DHX9: variants seen among roughly 807,000 people sequenced by gnomAD.
The protein encoded by DHX9 is ATP-dependent RNA helicase A.
In DHX9, 27 loss-of-function variants were observed where a neutral mutation model predicts 148.7. The observed-to-expected ratio is 0.18, with a 90% CI of 0.13 to 0.25. The LOEUF is 0.25. DHX9 is among the 10% of genes least tolerant of loss of function. The probability of loss-of-function intolerance (pLI) is 1.00; values close to 1 mark genes in which losing one functional copy is unlikely to be tolerated. For missense variants in DHX9, 796 were observed against 1,559.6 expected (o/e 0.51, Z 8.25); for synonymous variants, 529 against 516.6 (o/e 1.02, Z -0.33).
Position 182,872,252 on chromosome 1 carries a change from T to C in DHX9, c.1558-85T>C, listed in dbSNP as rs556372457. ...TCTAAGAAACTGAATTTAATTGATG[T>C]CTTATGGCTGTATAACTCTTTTAGG... On this transcript the variant is annotated intron_variant, in intron 14 of 27. Coordinates refer to ENST00000367549, the MANE Select transcript of DHX9 (RefSeq NM_001357.5). 2.3e-5 allele frequency: 26 copies of C among 1,117,600 alleles called. No homozygotes were observed. The South Asian group carries it at 3.8e-4, about 16-fold the overall frequency. The allele number at this position is 1,117,600 out of a possible 1,614,324, so 69.2% of individuals were successfully genotyped here.
At chr1:182,859,864 A>G (rs1461304835) in intron 11 of DHX9, 129 bp from the exon 12 acceptor site, 5 of 786,338 alleles carry the variant, frequency 6.4e-6, no homozygotes, top group Non-Finnish European at 8.0e-6. Context: ...TCAGCCTCCC[A>G]AAGTGCTGGG....
At chr1:182,860,269 A>C in intron 12 of DHX9, 85 bp downstream of exon 12, 12 of 1,161,682 alleles carry the variant, frequency 1.0e-5, no homozygotes, top group Non-Finnish European at 1.4e-5. Context: ...GTAATTATTT[A>C]AGATTGAGAG....
chr1:182,876,033 C>G lies in DHX9; in HGVS notation c.1816-17C>G. On this transcript the variant is annotated splice_polypyrimidine_tract_variant and intron_variant, in intron 16 of 27. Coordinates refer to ENST00000367549, the MANE Select transcript of DHX9 (RefSeq NM_001357.5). ...TAACTGAGACAATCCAAAAATATGT[C>G]TCCCTGTTTTTTACAGGCAAATTGC... 3 of 1,607,386 alleles carry G rather than the reference C, an allele frequency of 1.9e-6. No homozygotes were observed. Among genetic ancestry groups the G allele is most frequent in the Non-Finnish European group, 1.7e-6 (2 of 1,174,852 alleles).
At chr1:182,848,879 T>C (rs751630536) in intron 3 of DHX9, among the ~76,000 whole-genome samples, 3 of 152,142 alleles carry the variant, frequency 2.0e-5, no homozygotes, top group Non-Finnish European at 4.4e-5. Context: ...AAGGGGAAGA[T>C]GCCACACACT....
intron 4 of DHX9, among the ~76,000 whole-genome samples, chr1:182,852,904 T>C (rs1204856239): frequency 6.6e-6 from 1 of 152,096 alleles, no homozygotes; most frequent in African/African-American, 2.4e-5. Flanking sequence ...ATTTACTGTT[T>C]ATTGAATAGC....
intron 11 of DHX9, 107 bp downstream of exon 11, chr1:182,859,224 C>G (rs1242109615): frequency 3.2e-6 from 3 of 925,740 alleles, no homozygotes; most frequent in Non-Finnish European, 5.1e-6. Context: ...GAGGGCATAT[C>G]AAAAGATATG....
rs180944343 is a variant in DHX9 at position 182,878,072 on chromosome 1, C to A, written c.2250C>A (p.Thr750=). The A allele has an allele frequency of 1.2e-6, 2 of 1,614,074 alleles. No individual in the cohort carries two copies. Among genetic ancestry groups the A allele is most frequent in the Non-Finnish European group, 1.7e-6 (2 of 1,180,042 alleles). The change falls in exon 20 of 28, where the codon ACC becomes ACA. Residue 750 remains threonine, a synonymous_variant. Transcript: ENST00000367549. ...TAHNNMTNYA[T]VWASKTNLEQ... ...ACAACAATATGACCAACTATGCTAC[C>A]GTATGGGCATCAAAAACAAACCTTG... is the stretch of plus-strand genomic sequence containing the variant.
At chr1:182,859,270 G>A (rs1225178309) in intron 11 of DHX9, among the ~76,000 whole-genome samples, 153 bp downstream of exon 11, 2 of 152,226 alleles carry the variant, frequency 1.3e-5, no homozygotes, top group African/African-American at 4.8e-5. Flanking sequence ...CCTGAAGTTA[G>A]TTGCTATGAG....
chr1:182,876,819 T>C lies in DHX9; in HGVS notation c.2125-11T>C. On this transcript the variant is annotated splice_polypyrimidine_tract_variant and intron_variant, in intron 18 of 27. Transcript: ENST00000367549. ...AATATTTTCTGGAGTGTAATTTTTC[T>C]TTCTTCACAGGTTATTTTGTCCACA... The C allele has an allele frequency of 6.2e-7, 1 of 1,603,640 alleles. No individual in the cohort carries two copies. The highest frequency in any genetic ancestry group is 1.1e-5 in the South Asian group (1 of 89,956).
At chr1:182,865,079 GAA>G (rs201035339) in intron 12 of DHX9, among the ~76,000 whole-genome samples, 12 of 151,754 alleles carry the variant, frequency 7.9e-5, no homozygotes, top group Admixed American at 2.6e-4. Context: ...TGTTAGAAAA[GAA>G]AAAAAGAAAA....
At chr1:182,878,213 CTGTT>C (rs1648910594) in intron 20 of DHX9, 40 bp downstream of exon 20, 1 of 1,609,560 alleles carries the variant, frequency 6.2e-7, no homozygotes, top group East Asian at 2.2e-5. Context: ...GATTTTTGTT[CTGTT>C]CTCTGTAGGG....
At chr1:182,873,112 C>T (rs1481638890) in intron 15 of DHX9, among the ~76,000 whole-genome samples, 3 of 152,052 alleles carry the variant, frequency 2.0e-5, no homozygotes, top group Non-Finnish European at 4.4e-5. Flanking sequence ...CACAACACCA[C>T]GCCTGGCTAA....
At chr1:182,870,999 CTT>C (rs1163297952) in intron 14 of DHX9, among the ~76,000 whole-genome samples, 1 of 152,096 alleles carries the variant, frequency 6.6e-6, no homozygotes, top group African/African-American at 2.4e-5. Context: ...GCAGCATAGT[CTT>C]AGACCTTCTG....
intron 12 of DHX9, among the ~76,000 whole-genome samples, chr1:182,862,066 T>C (rs1364602233): frequency 6.7e-6 from 1 of 149,210 alleles, no homozygotes; most frequent in East Asian, 1.9e-4. Context: ...GTTTTTAATA[T>C]ACTGTACTTC....
chr1:182,874,004 A>G (rs1648658745), intron 15 of DHX9, among the ~76,000 whole-genome samples: 2 of 152,236 alleles, frequency 1.3e-5, no homozygotes, highest in South Asian at 2.1e-4. Context: ...ATAACATGGT[A>G]TTAGATTACC....
chr1:182,845,475 A>G (rs1354665558), intron 3 of DHX9, among the ~76,000 whole-genome samples: 1 of 151,952 alleles, frequency 6.6e-6, no homozygotes, highest in East Asian at 1.9e-4. Context: ...CACAACAATC[A>G]ACAAAGAAGA....
At chr1:182,878,243 T>TA in intron 20 of DHX9, 70 bp downstream of exon 20, 2 of 1,522,790 alleles carry the variant, frequency 1.3e-6, no homozygotes, top group South Asian at 2.5e-5. Flanking sequence ...TGTGTGCAGT[T>TA]ATGTAAACCT....
In DHX9 at chr1:182,854,113, A is replaced by G. The variant is rs772450227; in HGVS notation, c.561A>G (p.Gln187=). 13 of 1,613,804 alleles carry G rather than the reference A, an allele frequency of 8.1e-6. No individual in the cohort carries two copies. Among genetic ancestry groups the G allele is most frequent in the South Asian group, 2.2e-5 (2 of 91,072 alleles). The change falls in exon 6 of 28, where the codon CAA becomes CAG. Residue 187 remains glutamine (Q), a synonymous_variant. Coordinates refer to ENST00000367549, the MANE Select transcript of DHX9 (RefSeq NM_001357.5). ...AAAATGCTAAAGCTCGTCTAAACCA[A>G]TATTTTCAGAAAGAAAAGATCCAAG... The part of the protein sequence containing the change: ...TLENAKARLN[Q]YFQKEKIQGE...
intron 14 of DHX9, among the ~76,000 whole-genome samples, chr1:182,869,828 A>G (rs1648483845): frequency 6.6e-6 from 1 of 152,168 alleles, no homozygotes; most frequent in Non-Finnish European, 1.5e-5. Flanking sequence ...CAAACTCCTG[A>G]CCTCAGGTGA....
Sources: allele counts gnomAD v4.1 joint callset (sites outside exome capture counted in the v4.1 genomes callset), GRCh38; gene constraint gnomAD v4.1.1; transcripts MANE v1.5; gene names NCBI Gene and HGNC (gene_info 2026-07-23, HGNC 2026-07-21).